ATE1: variants seen among roughly 807,000 people sequenced by gnomAD.
ATE1 encodes arginyl-tRNA--protein transferase 1.
ATE1 carries 36 observed loss-of-function variants against 70.5 expected under a neutral mutation model. That is an observed-to-expected ratio of 0.51 (90% CI 0.39 to 0.67). The LOEUF (loss-of-function observed/expected upper bound fraction) is 0.67. Ranked by LOEUF, ATE1 falls within the 30% of genes least tolerant of loss-of-function variation. The pLI, the probability that ATE1 is intolerant of heterozygous loss-of-function variation, is 0.00. For synonymous variants in ATE1, 232 were observed against 219.3 expected (o/e 1.06, Z -0.51); for missense variants, 593 against 629.5 (o/e 0.94, Z 0.62).
chr10:121,899,752 C>A, intron 7 of ATE1, 114 bp downstream of exon 7: 1 of 1,452,858 alleles, frequency 6.9e-7, no homozygotes. Context: ...TGCAGATATG[C>A]TGCAAATTGA....
intron 3 of ATE1, among the ~76,000 whole-genome samples, chr10:121,915,092 C>T (rs916807806): frequency 9.2e-5 from 14 of 151,926 alleles, no homozygotes; most frequent in African/African-American, 3.1e-4. Flanking sequence ...AGATAGGTAC[C>T]GAACAAACTG....
At chr10:121,795,250 A>G (rs1043492655) in intron 10 of ATE1, among the ~76,000 whole-genome samples, 2 of 152,204 alleles carry the variant, frequency 1.3e-5, no homozygotes, top group Admixed American at 1.3e-4. Flanking sequence ...TCTGTCTCAA[A>G]AAAAATAAAA....
chr10:121,856,528 T>G (rs892574318), intron 8 of ATE1, among the ~76,000 whole-genome samples: 1 of 152,138 alleles, frequency 6.6e-6, no homozygotes, highest in African/African-American at 2.4e-5. Flanking sequence ...AGAATCTGTC[T>G]CAAAAAGATA....
intron 7 of ATE1, among the ~76,000 whole-genome samples, chr10:121,883,943 A>C (rs79761230): frequency 0.1 from 15,426 of 151,696 alleles, 2,444 homozygotes; most frequent in African/African-American, 0.34. Context: ...CATCTCTACC[A>C]AAAATACAAA....
At chr10:121,908,048 G>A (rs991405522) in intron 5 of ATE1, among the ~76,000 whole-genome samples, 11 of 152,116 alleles carry the variant, frequency 7.2e-5, no homozygotes, top group East Asian at 1.9e-4. Flanking sequence ...GGATTATGTC[G>A]AAAGGCCTCA....
intron 11 of ATE1, among the ~76,000 whole-genome samples, chr10:121,779,277 TGAA>T (rs911452143): frequency 3.9e-4 from 60 of 152,272 alleles, no homozygotes; most frequent in African/African-American, 1.4e-3. Flanking sequence ...GCCGGGCTGC[TGAA>T]GAAGCATCAC....
At position 121,786,798 on chromosome 10, in the gene ATE1, G is replaced by A. The variant is rs544118471; in HGVS notation, c.1378+3371C>T. On this transcript the variant is annotated intron_variant, in intron 11 of 11. Transcript: ENST00000224652. ...CAAAGTATTAAGTAAAAATGACAACGTAAGGATGCAGAATATTCTCGTTTA... is the reference window on the plus strand; with the variant it reads ...CAAAGTATTAAGTAAAAATGACAACATAAGGATGCAGAATATTCTCGTTTA... Among the ~76,000 whole-genome samples the A allele has an allele frequency of 5.0e-4, 76 of 152,080 alleles. 2 individuals are homozygous for A. In the South Asian group the frequency reaches 0.015, roughly 30 times the overall value.
chr10:121,864,126 C>T (rs1949575906), intron 8 of ATE1, among the ~76,000 whole-genome samples: 1 of 152,172 alleles, frequency 6.6e-6, no homozygotes, highest in South Asian at 2.1e-4. Flanking sequence ...ATTTAAAATT[C>T]AGTTCCCAAA....
chr10:121,826,309 GTTTT>G (rs371939111), intron 10 of ATE1, among the ~76,000 whole-genome samples: 1 of 151,242 alleles, frequency 6.6e-6, no homozygotes, highest in African/African-American at 2.4e-5. Flanking sequence ...CAACAAGAAT[GTTTT>G]TTTTTCTTTT....
chr10:121,832,543 A>T (rs1948280653), intron 10 of ATE1, among the ~76,000 whole-genome samples: 2 of 152,138 alleles, frequency 1.3e-5, no homozygotes, highest in Non-Finnish European at 2.9e-5. Flanking sequence ...TTCCCCCCAT[A>T]ATGTTATCAT....
At chr10:121,927,767 G>C (rs77778376) in intron 1 of ATE1, 77 bp downstream of exon 1, 123,248 of 1,455,754 alleles carry the variant, frequency 0.085, 6,994 homozygotes, top group East Asian at 0.31. Flanking sequence ...CGGCCCCCTC[G>C]CGTCCTCGCT....
chr10:121,887,749 A>G (rs548264293), intron 7 of ATE1, among the ~76,000 whole-genome samples: 2 of 152,232 alleles, frequency 1.3e-5, no homozygotes, highest in East Asian at 1.9e-4. Flanking sequence ...ACAGATGGCA[A>G]TGGATTATAG....
chr10:121,858,652 T>C (rs1180143734), intron 8 of ATE1, among the ~76,000 whole-genome samples: 2 of 129,530 alleles, frequency 1.5e-5, no homozygotes, highest in African/African-American at 5.9e-5. Context: ...ATATATTTTA[T>C]ACATATAATA....
At chr10:121,849,586 A>G (rs1408469828) in intron 8 of ATE1, among the ~76,000 whole-genome samples, 1 of 152,216 alleles carries the variant, frequency 6.6e-6, no homozygotes, top group Non-Finnish European at 1.5e-5. Context: ...CTATATACCT[A>G]TCTACTCTGC....
chr10:121,821,212 G>C lies in ATE1; in HGVS notation c.1257+15506C>G, dbSNP rs371264025. On this transcript the variant is annotated intron_variant, in intron 10 of 11. Transcript: ENST00000224652. ...ACCTGCCTCAGCCTCCCAAAGTGCT[G>C]AGATTCCTGATGTGAGCCACCGCGC... 8.5e-5 allele frequency among the ~76,000 whole-genome samples: 13 copies of C among 152,312 alleles called. No individual in the cohort carries two copies. The South Asian group carries it at 1.5e-3, about 17-fold the overall frequency.
At chr10:121,780,738 T>G (rs1251076523) in intron 11 of ATE1, among the ~76,000 whole-genome samples, 1 of 152,226 alleles carries the variant, frequency 6.6e-6, no homozygotes. Context: ...TTAGTGCTTC[T>G]GTTCCATCCC....
intron 7 of ATE1, among the ~76,000 whole-genome samples, chr10:121,874,917 G>A (rs1305861864): frequency 1.3e-5 from 2 of 151,554 alleles, no homozygotes; most frequent in East Asian, 3.9e-4. Flanking sequence ...AAGGCGGGTG[G>A]ATCACGAGGT....
intron 3 of ATE1, among the ~76,000 whole-genome samples, chr10:121,918,508 A>T (rs896797118): frequency 2.6e-5 from 4 of 152,320 alleles, no homozygotes; most frequent in Non-Finnish European, 5.9e-5. Flanking sequence ...CAGGCACCAA[A>T]TACAATTTAG....
At chr10:121,818,463 A>G (rs1024303663) in intron 10 of ATE1, among the ~76,000 whole-genome samples, 12 of 152,142 alleles carry the variant, frequency 7.9e-5, no homozygotes, top group African/African-American at 2.9e-4. Flanking sequence ...CTCTCCAAAA[A>G]AAGCAATTTA....
Sources: gnomAD v4.1 joint callset for allele counts (sites outside exome capture counted in the v4.1 genomes callset) on GRCh38, gnomAD v4.1.1 for gene constraint, MANE v1.5 for transcripts, NCBI Gene and HGNC (gene_info 2026-07-23, HGNC 2026-07-21) for gene names.